The following REV3L variants were observed in gnomAD, a reference collection of about 807,000 sequenced individuals.
REV3L encodes DNA polymerase zeta catalytic subunit.
REV3L carries 69 observed loss-of-function variants against 299.4 expected under a neutral mutation model. The ratio of observed to expected loss-of-function variants is 0.23; its 90% CI spans 0.19 to 0.28. The LOEUF is 0.28. Among genes scored for constraint, REV3L ranks in the 10% least tolerant of loss-of-function variants. REV3L has a pLI of 1.00. For missense variants in REV3L, 3,128 were observed against 3,693.8 expected (o/e 0.85, Z 3.97); for synonymous variants, 1,238 against 1,271.4 (o/e 0.97, Z 0.56).
chr6:111,432,409 T>C (rs970811322), intron 1 of REV3L, among the ~76,000 whole-genome samples: 13 of 152,224 alleles, frequency 8.5e-5, no homozygotes, highest in African/African-American at 2.4e-4. Flanking sequence ...GGAGTAGCTA[T>C]ATTTGTATCA....
In REV3L at chr6:111,374,782, C is replaced by T; in HGVS notation, c.3573G>A (p.Arg1191=). Residue 1191 remains arginine (R), a synonymous_variant, in exon 13 of 32, where the codon AGG becomes AGA. Transcript: ENST00000368802. ...GTTTATTTGTCTGATTTCGTTTGTT[C>T]CTTTTCTTAGTAACTATAGAGGGAT... ...LANPSIVTKK[R]NKRNQTNKLV... 3 of 1,611,812 alleles carry T rather than the reference C, an allele frequency of 1.9e-6. No homozygotes were observed. The highest frequency in any genetic ancestry group is 2.5e-6 in the Non-Finnish European group (3 of 1,179,484).
rs757193633 is a variant in REV3L at position 111,359,030 on chromosome 6, A to AAT, written c.6880-18_6880-17dup. On this transcript the variant is annotated splice_polypyrimidine_tract_variant and intron_variant, in intron 16 of 31. Coordinates refer to ENST00000368802, the MANE Select transcript of REV3L (RefSeq NM_001372078.1). ...GATTTTGTATCTATAAAAGCAAATA[A>AAT]ATACTATGTTTTTAAAACATTTTTT... The AAT allele has an allele frequency of 1.3e-6, 2 of 1,584,004 alleles. No individual in the cohort carries two copies. The highest frequency in any genetic ancestry group is 2.7e-5 in the African/African-American group (2 of 73,866).
chr6:111,395,419 C>T lies in REV3L; in HGVS notation c.566-2447G>A, dbSNP rs905872213. On this transcript the variant is annotated intron_variant, in intron 4 of 31. Transcript: ENST00000368802. ...AGTAATTTCTAGTTTTCCTCCTATA[C>T]AACCTTTACTTCCTTGGTTAAATTT... is the stretch of plus-strand genomic sequence containing the variant. 1.1e-4 allele frequency among the ~76,000 whole-genome samples: 17 copies of T among 152,274 alleles called. No individual in the cohort carries two copies. The East Asian group carries it at 2.9e-3, about 26-fold the overall frequency.
chr6:111,315,788 C>G (rs1222159046), intron 26 of REV3L, among the ~76,000 whole-genome samples: 2 of 152,134 alleles, frequency 1.3e-5, no homozygotes, highest in African/African-American at 2.4e-5. Context: ...GAGCATGAAC[C>G]CTATTGTGAA....
In REV3L at chr6:111,422,631, CACAT is replaced by C. The variant is rs1172338496; in HGVS notation, c.140-6163_140-6160del. Among the ~76,000 whole-genome samples the C allele has an allele frequency of 6.2e-3, 79 of 12,746 alleles. 7 individuals are homozygous for C. In the South Asian group the frequency reaches 0.073, roughly 12 times the overall value. The allele number at this position is 12,746 out of a possible 152,430, so 8.4% of individuals were successfully genotyped here. ...ATATATACACATATATATATATATA[CACAT>C]ATATATATATATACATATATATATA... On this transcript the variant is annotated intron_variant, in intron 1 of 31. Coordinates refer to ENST00000368802, the MANE Select transcript of REV3L (RefSeq NM_001372078.1).
intron 27 of REV3L, 105 bp from the exon 28 acceptor site, chr6:111,313,594 A>C: frequency 8.4e-7 from 1 of 1,183,446 alleles, no homozygotes; most frequent in African/African-American, 1.6e-5. Context: ...CAATTATTTA[A>C]AAAATTCTAT....
At chr6:111,408,494 C>T (rs1008765240) in intron 3 of REV3L, among the ~76,000 whole-genome samples, 7 of 152,054 alleles carry the variant, frequency 4.6e-5, no homozygotes, top group Non-Finnish European at 7.4e-5. Context: ...ATCCCAGCTA[C>T]TCAGGAGGCT....
intron 27 of REV3L, 68 bp from the exon 28 acceptor site, chr6:111,313,557 G>T: frequency 6.9e-7 from 1 of 1,439,786 alleles, no homozygotes; most frequent in Non-Finnish European, 9.3e-7. Context: ...TTATTTTTAT[G>T]TCTTTGTGCT....
intron 1 of REV3L, among the ~76,000 whole-genome samples, chr6:111,436,450 TA>T (rs1037875575): frequency 2.0e-5 from 3 of 151,970 alleles, no homozygotes; most frequent in Admixed American, 6.6e-5. Flanking sequence ...TTCAGCCATA[TA>T]AAAAAAATGA....
chr6:111,459,066 T>C (rs1022167800), intron 1 of REV3L, among the ~76,000 whole-genome samples: 2 of 152,128 alleles, frequency 1.3e-5, no homozygotes, highest in South Asian at 4.2e-4. Context: ...AACAGCACAG[T>C]ACTGGTACAA....
chr6:111,460,348 C>T (rs1229188240), intron 1 of REV3L: 1 of 151,894 alleles, frequency 6.6e-6, no homozygotes, highest in Non-Finnish European at 1.5e-5. Context: ...AGTCGTACTT[C>T]AAACCTCAGC....
chr6:111,461,738 C>T lies in REV3L; in HGVS notation c.139+21012G>A, dbSNP rs184650903. ...AAAACTGTGATTAATTACAAATATA[C>T]GGCAAACCCTAGGGCAACCACTAAA... On this transcript the variant is annotated intron_variant, in intron 1 of 31. Coordinates refer to ENST00000368802, the MANE Select transcript of REV3L (RefSeq NM_001372078.1). Among the ~76,000 whole-genome samples the T allele has an allele frequency of 2.3e-3, 343 of 151,868 alleles. 1 individual carries two copies. The highest frequency in any genetic ancestry group is 7.5e-3 in the African/African-American group (311 of 41,466).
At chr6:111,453,686 T>A (rs555452973) in intron 1 of REV3L, among the ~76,000 whole-genome samples, 1 of 152,256 alleles carries the variant, frequency 6.6e-6, no homozygotes, top group African/African-American at 2.4e-5. Context: ...TGTGATATTT[T>A]AAAGTTATGT....
intron 1 of REV3L, among the ~76,000 whole-genome samples, chr6:111,454,416 A>G (rs995886099): frequency 2.0e-5 from 3 of 152,076 alleles, no homozygotes; most frequent in Non-Finnish European, 4.4e-5. Flanking sequence ...AAAATTTACC[A>G]TCTTAACCCT....
intron 1 of REV3L, among the ~76,000 whole-genome samples, chr6:111,470,532 C>T (rs559705678): frequency 3.2e-4 from 48 of 152,296 alleles, no homozygotes; most frequent in African/African-American, 1.2e-3. Flanking sequence ...CCTTAATAAA[C>T]GGTTTACCAC....
chr6:111,392,149 T>C (rs1338384831), intron 5 of REV3L, among the ~76,000 whole-genome samples: 3 of 152,224 alleles, frequency 2.0e-5, no homozygotes, highest in Non-Finnish European at 4.4e-5. Context: ...ATTCCCGAAG[T>C]AGCACATTTG....
Position 111,375,195 on chromosome 6 carries a change from A to G in REV3L, c.3160T>C (p.Ser1054Pro), listed in dbSNP as rs1289944538. The change falls in exon 13 of 32, where the codon TCT becomes CCT. Residue 1054 changes from serine to proline, a missense_variant. Physicochemically the swap from Ser to Pro is moderately conservative, Grantham distance 74 (BLOSUM62 -1). Around this residue, in one of 9 missense-constraint regions of REV3L, gnomAD observed 2,409 missense variants for 2,611.8 expected, o/e 0.92. Coordinates refer to ENST00000368802, the MANE Select transcript of REV3L (RefSeq NM_001372078.1). Reference protein sequence around the residue: ...KSHRRKSKHKSAKKKTGKQQR... With the variant: ...KSHRRKSKHKPAKKKTGKQQR... ...TGTTTACCAGTTTTTTTCTTAGCAGATTTATGTTTTGACTTTCTTCTGTGA... is the reference window on the plus strand; with the variant it reads ...TGTTTACCAGTTTTTTTCTTAGCAGGTTTATGTTTTGACTTTCTTCTGTGA... 2.5e-6 allele frequency: 4 copies of G among 1,610,926 alleles called. No individual in the cohort carries two copies. Among genetic ancestry groups the G allele is most frequent in the Non-Finnish European group, 2.5e-6 (3 of 1,179,310 alleles).
rs750718591 is a variant in REV3L, at chr6:111,322,577, A to G, written c.8343T>C (p.Asp2781=). 6.2e-7 allele frequency: 1 copy of G among 1,613,450 alleles called. No individual in the cohort carries two copies. Among genetic ancestry groups the G allele is most frequent in the South Asian group, 1.1e-5 (1 of 91,080 alleles). ...AACCAAAAACCCATTACCTGTCAGT[A>G]TCGCCATATACAACCCTAGCCCCCC... ...KKWGARVVYG[D]TDSMFVLLKG... is the part of the protein sequence containing the mutation. The change falls in exon 26 of 32, where the codon GAT becomes GAC. Residue 2781 remains aspartate, a synonymous_variant. Coordinates refer to ENST00000368802, the MANE Select transcript of REV3L (RefSeq NM_001372078.1).
At chr6:111,382,190 C>T (rs915293516) in intron 9 of REV3L, among the ~76,000 whole-genome samples, 2 of 152,132 alleles carry the variant, frequency 1.3e-5, no homozygotes, top group Non-Finnish European at 2.9e-5. Flanking sequence ...CAATTGCCGT[C>T]CCCTGAAGGA....
Sources: gnomAD v4.1 joint callset for allele counts (sites outside exome capture counted in the v4.1 genomes callset) on GRCh38, gnomAD v4.1.1 for gene constraint, gnomAD v4.1.1 regional missense constraint, MANE v1.5 for transcripts, NCBI Gene and HGNC (gene_info 2026-07-23, HGNC 2026-07-21) for gene names.